The following KCNAB1 variants were observed in gnomAD, a reference collection of about 807,000 sequenced individuals.
KCNAB1 encodes potassium voltage-gated channel subfamily A regulatory beta subunit 1.
KCNAB1 carries 35 observed loss-of-function variants against 64.6 expected under a neutral mutation model. That is an observed-to-expected ratio of 0.54 (90% CI 0.41 to 0.72). The LOEUF (loss-of-function observed/expected upper bound fraction) is 0.72, where lower values mean the gene tolerates loss of function less well. Among genes scored for constraint, KCNAB1 ranks in the 30% least tolerant of loss-of-function variants. The probability of loss-of-function intolerance (pLI) is 0.00; values close to 1 mark genes in which losing one functional copy is unlikely to be tolerated. For synonymous variants in KCNAB1, 177 were observed against 183.8 expected, an observed-to-expected ratio of 0.96 and a Z score of 0.30; for missense variants, 401 against 512.9, an observed-to-expected ratio of 0.78 and a Z score of 2.11.
intron 1 of KCNAB1, among the ~76,000 whole-genome samples, chr3:156,142,042 A>G (rs1167297710): frequency 1.3e-5 from 2 of 152,120 alleles, no homozygotes; most frequent in Non-Finnish European, 2.9e-5. Flanking sequence ...TGCCATCTGT[A>G]TATCTTCTTC....
intron 1 of KCNAB1, among the ~76,000 whole-genome samples, chr3:156,141,380 T>A (rs1246682578): frequency 6.6e-6 from 1 of 152,212 alleles, no homozygotes; most frequent in Non-Finnish European, 1.5e-5. Flanking sequence ...ACCTCTACAC[T>A]TTTATAGCCA....
At chr3:156,355,403 T>G (rs112241174) in intron 1 of KCNAB1, among the ~76,000 whole-genome samples, 86 of 152,298 alleles carry the variant, frequency 5.6e-4, no homozygotes, top group African/African-American at 2.0e-3. Flanking sequence ...TGAGTCTGAG[T>G]TAAGGGAGAT....
chr3:156,338,088 G>T (rs1454251014), intron 1 of KCNAB1, among the ~76,000 whole-genome samples: 1 of 152,040 alleles, frequency 6.6e-6, no homozygotes, highest in African/African-American at 2.4e-5. Context: ...ATGAGGGGAT[G>T]GTCCAACTCT....
intron 1 of KCNAB1, chr3:156,292,013 G>C: frequency 6.2e-7 from 1 of 1,614,184 alleles, no homozygotes; most frequent in Non-Finnish European, 8.5e-7. Flanking sequence ...GGTGAACGCA[G>C]CCCGGGCCAA....
intron 1 of KCNAB1, among the ~76,000 whole-genome samples, chr3:156,380,715 T>C (rs1712085766): frequency 6.6e-6 from 1 of 152,074 alleles, no homozygotes. Flanking sequence ...GGGAGAAAGG[T>C]AAAATAACCT....
chr3:156,219,900 A>G (rs1715597577), intron 1 of KCNAB1, among the ~76,000 whole-genome samples: 1 of 149,684 alleles, frequency 6.7e-6, no homozygotes, highest in African/African-American at 2.5e-5. Flanking sequence ...CCAGTGTGTG[A>G]TGTTCCCAGC....
chr3:156,277,779 T>C (rs1344822308), intron 1 of KCNAB1, among the ~76,000 whole-genome samples: 1 of 152,180 alleles, frequency 6.6e-6, no homozygotes, highest in African/African-American at 2.4e-5. Flanking sequence ...GATTGCTGGG[T>C]TACTTAGCAG....
At chr3:156,293,646 A>ATG (rs1353532024) in intron 1 of KCNAB1, among the ~76,000 whole-genome samples, 1 of 152,238 alleles carries the variant, frequency 6.6e-6, no homozygotes, top group East Asian at 1.9e-4. Flanking sequence ...TGCAGTACAA[A>ATG]TGTAAGCAGC....
At chr3:156,446,643 A>T (rs544319782) in intron 2 of KCNAB1, 3 of 152,154 alleles carry the variant, frequency 2.0e-5, no homozygotes, top group African/African-American at 7.2e-5. Flanking sequence ...GTTCTCCTAG[A>T]GGTTTCACCT....
At chr3:156,280,762 CTCTG>C (rs1340688050) in intron 1 of KCNAB1, among the ~76,000 whole-genome samples, 12 of 151,694 alleles carry the variant, frequency 7.9e-5, no homozygotes, top group Non-Finnish European at 1.6e-4. Flanking sequence ...TGATTTGGCT[CTCTG>C]TCTGTTGTTG....
At chr3:156,437,999 G>A (rs1270941061) in intron 2 of KCNAB1, among the ~76,000 whole-genome samples, 1 of 152,148 alleles carries the variant, frequency 6.6e-6, no homozygotes, top group Non-Finnish European at 1.5e-5. Context: ...CAGTCACAGG[G>A]GGAGCTTTTA....
chr3:156,409,046 CAACAT>C (rs1414347179), intron 1 of KCNAB1, among the ~76,000 whole-genome samples: 1 of 152,046 alleles, frequency 6.6e-6, no homozygotes, highest in Non-Finnish European at 1.5e-5. Flanking sequence ...CTCCAATTGT[CAACAT>C]AACCAGCCAC....
At chr3:156,479,438 G>A (rs1714624481) in intron 8 of KCNAB1, among the ~76,000 whole-genome samples, 1 of 151,960 alleles carries the variant, frequency 6.6e-6, no homozygotes, top group Non-Finnish European at 1.5e-5. Flanking sequence ...TGTTTCTTTT[G>A]ACTTTCTGTC....
At chr3:156,182,966 G>A (rs1171109870) in intron 1 of KCNAB1, among the ~76,000 whole-genome samples, 2 of 152,074 alleles carry the variant, frequency 1.3e-5, no homozygotes, top group Admixed American at 1.3e-4. Flanking sequence ...CCAAAGTGCT[G>A]GGATTACAGG....
intron 1 of KCNAB1, among the ~76,000 whole-genome samples, chr3:156,312,471 G>C (rs1295756580): frequency 1.3e-5 from 2 of 152,090 alleles, no homozygotes; most frequent in Non-Finnish European, 2.9e-5. Context: ...CAGCACTTCG[G>C]GAGGCCGAGG....
At chr3:156,480,485 T>A (rs1467018257) in intron 8 of KCNAB1, among the ~76,000 whole-genome samples, 1 of 151,836 alleles carries the variant, frequency 6.6e-6, no homozygotes, top group African/African-American at 2.4e-5. Context: ...CCATGGCACA[T>A]GTATACCTAT....
chr3:156,447,628 C>G (rs1405831989), intron 2 of KCNAB1, among the ~76,000 whole-genome samples: 1 of 152,146 alleles, frequency 6.6e-6, no homozygotes, highest in Non-Finnish European at 1.5e-5. Flanking sequence ...AAGGGACATT[C>G]TACAGAATAC....
In KCNAB1 at chr3:156,210,121, G is replaced by A. The variant is rs186352639; in HGVS notation, c.275+89235G>A. ...TGCACTGGGTTATTGAATTGGAGTG[G>A]AAGAAGCACAGGCTGAGACTGTCGG... On this transcript the variant is annotated intron_variant, in intron 1 of 13. Transcript: ENST00000490337. Among the ~76,000 whole-genome samples the A allele has an allele frequency of 2.8e-3, 422 of 152,278 alleles. 3 individuals carry two copies. Among genetic ancestry groups the A allele is most frequent in the African/African-American group, 9.4e-3 (390 of 41,554 alleles).
Position 156,463,733 on chromosome 3 carries a change from T to C in KCNAB1, c.514T>C (p.Tyr172His), listed in dbSNP as rs1485964247. The change falls in exon 6 of 14, where the codon TAC (tyrosine) becomes CAC (histidine). Residue 172 changes from tyrosine to histidine, a missense_variant. Coordinates refer to ENST00000490337, the MANE Select transcript of KCNAB1 (RefSeq NM_172160.3). ...RSSLVITTKL[Y>H]WGGKAETERG... ...CAGTCTGGTCATAACAACCAAACTC[T>C]ACTGGGGTGGAAAGTAAGTTATTTT... The C allele has an allele frequency of 1.9e-6, 3 of 1,604,300 alleles. No individual in the cohort carries two copies. The highest frequency in any genetic ancestry group is 2.5e-6 in the Non-Finnish European group (3 of 1,176,756).
Sources: allele counts gnomAD v4.1 joint callset (sites outside exome capture counted in the v4.1 genomes callset), GRCh38; gene constraint gnomAD v4.1.1; transcripts MANE v1.5; gene names NCBI Gene and HGNC (gene_info 2026-07-23, HGNC 2026-07-21).